The following RORA variants were observed in gnomAD, a reference collection of about 807,000 sequenced individuals.
RORA encodes the protein RAR related orphan receptor A.
RORA carries 7 observed loss-of-function variants against 69.5 expected under a neutral mutation model. That is an observed-to-expected ratio of 0.10 (90% CI 0.06 to 0.19). The LOEUF (loss-of-function observed/expected upper bound fraction) is 0.19, where lower values mean the gene tolerates loss of function less well. Ranked by LOEUF, RORA falls within the 10% of genes least tolerant of loss-of-function variation. The pLI is 1.00. For synonymous variants in RORA, 261 were observed against 240.8 expected (o/e 1.08, Z -0.78); for missense variants, 457 against 663.0 (o/e 0.69, Z 3.41).
At chr15:61,136,678 T>C (rs1270520776) in intron 1 of RORA, among the ~76,000 whole-genome samples, 1 of 152,176 alleles carries the variant, frequency 6.6e-6, no homozygotes, top group Non-Finnish European at 1.5e-5. Context: ...TCAATCAGTA[T>C]AATTCAGAGT....
intron 2 of RORA, among the ~76,000 whole-genome samples, chr15:60,562,437 G>A (rs2067592715): frequency 6.8e-6 from 1 of 147,670 alleles, no homozygotes; most frequent in South Asian, 2.2e-4. Flanking sequence ...GGGTTGGGGG[G>A]GGGTTGCTTT....
At chr15:61,184,986 C>CAAAA (rs775960162) in intron 1 of RORA, among the ~76,000 whole-genome samples, 3,578 of 58,494 alleles carry the variant, frequency 0.061, 130 homozygotes, top group East Asian at 0.16. Flanking sequence ...CCCTGTCTCT[C>CAAAA]AAAAAAAAAA....
At position 60,597,605 on chromosome 15, in the gene RORA, TATATATATATATACATACATATATATAC is replaced by T. The variant is rs1567115559; in HGVS notation, c.197-65782_197-65755del. On this transcript the variant is annotated intron_variant, in intron 2 of 10. Coordinates refer to ENST00000335670, the MANE Select transcript of RORA (RefSeq NM_134261.3). ...ATATATATATATATACACATATATA[TATATATATATATACATACATATATATAC>T]ATATATATATATATATGTAAGCAAA... Among the ~76,000 whole-genome samples the T allele has an allele frequency of 6.3e-3, 282 of 44,460 alleles. 34 individuals are homozygous for T. Among genetic ancestry groups the T allele is most frequent in the African/African-American group, 0.012 (103 of 8,890 alleles). The allele number at this position is 44,460 out of a possible 152,430, so 29.2% of individuals were successfully genotyped here.
chr15:61,096,170 T>A (rs1317028474), intron 1 of RORA, among the ~76,000 whole-genome samples: 1 of 151,660 alleles, frequency 6.6e-6, no homozygotes, highest in African/African-American at 2.4e-5. Flanking sequence ...ATTGGGGGAG[T>A]GTGAGGCAGA....
intron 1 of RORA, among the ~76,000 whole-genome samples, chr15:61,112,434 A>C (rs2079015217): frequency 6.6e-6 from 1 of 152,052 alleles, no homozygotes; most frequent in Non-Finnish European, 1.5e-5. Flanking sequence ...AAGCAATCTG[A>C]AAAGCCTCCC....
At chr15:60,530,207 G>A (rs1242882536) in intron 3 of RORA, 1 of 152,208 alleles carries the variant, frequency 6.6e-6, no homozygotes, top group Non-Finnish European at 1.5e-5. Context: ...TCAATGCGAT[G>A]ACAGTGGTCA....
chr15:60,882,117 T>A (rs977530055), intron 1 of RORA, among the ~76,000 whole-genome samples: 2 of 152,168 alleles, frequency 1.3e-5, no homozygotes, highest in Non-Finnish European at 2.9e-5. Flanking sequence ...GTATCTTCCA[T>A]CTCTTATGTC....
At chr15:61,079,093 C>A (rs1486722249) in intron 1 of RORA, among the ~76,000 whole-genome samples, 2 of 151,914 alleles carry the variant, frequency 1.3e-5, no homozygotes, top group African/African-American at 4.8e-5. Context: ...CCTTACTAAC[C>A]AATTACAGAC....
At chr15:60,658,888 G>C (rs975056916) in intron 2 of RORA, among the ~76,000 whole-genome samples, 3 of 152,174 alleles carry the variant, frequency 2.0e-5, no homozygotes, top group African/African-American at 7.2e-5. Flanking sequence ...CTTTTGGAAA[G>C]GCACTGTAGA....
intron 1 of RORA, among the ~76,000 whole-genome samples, chr15:61,186,311 A>T (rs2079740853): frequency 6.6e-6 from 1 of 152,124 alleles, no homozygotes; most frequent in Admixed American, 6.5e-5. Flanking sequence ...TAAGACCCTG[A>T]TGTGCATCAG....
chr15:61,000,140 G>C (rs957497963), intron 1 of RORA, among the ~76,000 whole-genome samples: 7 of 152,050 alleles, frequency 4.6e-5, no homozygotes, highest in African/African-American at 1.7e-4. Flanking sequence ...TTAGCGTTTA[G>C]GTTTTAAAAA....
At chr15:60,581,505 G>A (rs573370885) in intron 2 of RORA, among the ~76,000 whole-genome samples, 5 of 152,180 alleles carry the variant, frequency 3.3e-5, no homozygotes, top group Admixed American at 6.5e-5. Flanking sequence ...GGGCAAACGT[G>A]GCTGTGAATG....
intron 1 of RORA, among the ~76,000 whole-genome samples, chr15:60,789,606 G>T (rs2072387460): frequency 6.6e-6 from 1 of 152,230 alleles, no homozygotes; most frequent in Non-Finnish European, 1.5e-5. Context: ...GACAGATCTA[G>T]GTTTGGGGCA....
chr15:61,030,938 TA>T (rs1227096849), intron 1 of RORA, among the ~76,000 whole-genome samples: 9 of 152,292 alleles, frequency 5.9e-5, no homozygotes, highest in African/African-American at 1.2e-4. Context: ...TATGTGTGTA[TA>T]AAAAATATGC....
Position 61,079,072 on chromosome 15 carries a change from G to T in RORA, c.166+149981C>A, listed in dbSNP as rs542284856. Among the ~76,000 whole-genome samples, 3 of 151,878 alleles carry T rather than the reference G, an allele frequency of 2.0e-5. No homozygotes were observed. The South Asian group carries it at 6.3e-4, about 32-fold the overall frequency. On this transcript the variant is annotated intron_variant, in intron 1 of 10. Transcript: ENST00000335670. ...CCACTCTGCCTTCTTAGCTTCACGT[G>T]CCCAAAACTCCCTTACTAACCAATT...
chr15:60,617,544 T>C (rs907980081), intron 2 of RORA, among the ~76,000 whole-genome samples: 1 of 151,930 alleles, frequency 6.6e-6, no homozygotes, highest in Non-Finnish European at 1.5e-5. Flanking sequence ...ATTGGCCAAT[T>C]TCAATGCGTG....
chr15:61,163,500 A>G (rs762084476), intron 1 of RORA, among the ~76,000 whole-genome samples: 10 of 152,186 alleles, frequency 6.6e-5, no homozygotes, highest in Non-Finnish European at 1.2e-4. Flanking sequence ...AAACACCACC[A>G]GCAGCCAACA....
intron 1 of RORA, among the ~76,000 whole-genome samples, chr15:60,908,758 A>G (rs1891617499): frequency 6.6e-6 from 1 of 152,130 alleles, no homozygotes; most frequent in Admixed American, 6.5e-5. Flanking sequence ...CCCCCACAGA[A>G]AGCGTGGTTC....
At chr15:61,169,215 T>TC (rs2079564294) in intron 1 of RORA, among the ~76,000 whole-genome samples, 1 of 151,842 alleles carries the variant, frequency 6.6e-6, no homozygotes, top group South Asian at 2.1e-4. Context: ...CAGCCTCCCT[T>TC]CGCCTTAACC....
Sources: gnomAD v4.1 joint callset for allele counts (sites outside exome capture counted in the v4.1 genomes callset) on GRCh38, gnomAD v4.1.1 for gene constraint, MANE v1.5 for transcripts, NCBI Gene and HGNC (gene_info 2026-07-23, HGNC 2026-07-21) for gene names.